Variants in DENND2C observed in about 807,000 individuals in gnomAD.
DENND2C encodes the protein DENN domain-containing protein 2C.
In DENND2C, 72 loss-of-function variants were observed where a neutral mutation model predicts 112.4. That is an observed-to-expected ratio of 0.64 (90% CI 0.53 to 0.78). DENND2C has a LOEUF of 0.78. Ranked by LOEUF, DENND2C falls within the 30% of genes least tolerant of loss-of-function variation. The pLI is 0.00. For missense variants in DENND2C, 992 were observed against 1,113.8 expected, an observed-to-expected ratio of 0.89 and a Z score of 1.56; for synonymous variants, 329 against 381.6, an observed-to-expected ratio of 0.86 and a Z score of 1.61.
chr1:114,633,109 T>C (rs930110168), intron 3 of DENND2C, among the ~76,000 whole-genome samples: 2 of 152,112 alleles, frequency 1.3e-5, no homozygotes, highest in African/African-American at 4.8e-5. Flanking sequence ...TGGAAAATTG[T>C]GTATGGTGTT....
chr1:114,592,221 C>G (rs1655214007), intron 18 of DENND2C, among the ~76,000 whole-genome samples: 1 of 152,048 alleles, frequency 6.6e-6, no homozygotes, highest in Non-Finnish European at 1.5e-5. Flanking sequence ...CCTTTTTCCA[C>G]TGATACACAA....
intron 18 of DENND2C, among the ~76,000 whole-genome samples, chr1:114,588,746 T>C (rs1325969906): frequency 1.3e-5 from 2 of 152,212 alleles, no homozygotes; most frequent in African/African-American, 4.8e-5. Context: ...ATTCCCATTT[T>C]TTTAAATAAA....
intron 3 of DENND2C, among the ~76,000 whole-genome samples, chr1:114,641,020 G>A (rs1165101731): frequency 2.6e-5 from 4 of 152,088 alleles, no homozygotes; most frequent in Non-Finnish European, 5.9e-5. Context: ...GAGAGAATAT[G>A]TTCCTGTTAT....
Position 114,594,512 on chromosome 1 carries a change from G to A in DENND2C, c.2392C>T (p.Arg798Ter), listed in dbSNP as rs866481620. ...TGCTCCTGAGTCAAGATTTCATTTC[G>A]TTCTTCCAAAATCTGCATCAGGGCA... Reference protein sequence around the residue: ...QAALMQILEERNEILTQEQNF... With the variant: ...QAALMQILEE The change falls in exon 18 of 21, where the codon CGA becomes TGA. Residue 798 changes from arginine (R) to a stop codon, truncating the protein, a stop_gained. Coordinates refer to ENST00000393274, the MANE Select transcript of DENND2C (RefSeq NM_001256404.2). LOFTEE classifies it high-confidence loss of function. 55 of 1,613,612 alleles carry A rather than the reference G, an allele frequency of 3.4e-5. 3 individuals carry two copies. The Middle Eastern group carries it at 5.8e-3, about 169-fold the overall frequency.
intron 3 of DENND2C, among the ~76,000 whole-genome samples, chr1:114,638,784 A>G (rs901231524): frequency 1.3e-5 from 2 of 151,012 alleles, no homozygotes; most frequent in Non-Finnish European, 3.0e-5. Flanking sequence ...AAAAAAGAGA[A>G]AAAAGAAAAA....
At chr1:114,633,173 G>A (rs1280343126) in intron 3 of DENND2C, among the ~76,000 whole-genome samples, 6 of 151,970 alleles carry the variant, frequency 3.9e-5, no homozygotes, top group Non-Finnish European at 7.4e-5. Context: ...TTATGCCGGC[G>A]CGGTGGCTCA....
chr1:114,627,316 T>C (rs760957015), intron 3 of DENND2C, among the ~76,000 whole-genome samples: 20 of 152,196 alleles, frequency 1.3e-4, no homozygotes, highest in Non-Finnish European at 2.5e-4. Context: ...AAAATAGCAG[T>C]TGATTCAAAA....
chr1:114,617,468 G>A (rs1425099289), intron 8 of DENND2C, among the ~76,000 whole-genome samples: 9 of 151,884 alleles, frequency 5.9e-5, no homozygotes, highest in African/African-American at 1.2e-4. Flanking sequence ...ACGCCACCAC[G>A]CCCAGCTAAT....
chr1:114,661,890 A>T (rs1366743766), intron 1 of DENND2C, among the ~76,000 whole-genome samples: 1 of 152,232 alleles, frequency 6.6e-6, no homozygotes, highest in East Asian at 1.9e-4. Flanking sequence ...AAGTTCAAAA[A>T]TAAAATTTGG....
chr1:114,601,403 T>G, intron 13 of DENND2C, 105 bp downstream of exon 13: 1 of 1,132,864 alleles, frequency 8.8e-7, no homozygotes, highest in East Asian at 2.4e-5. Context: ...GGTTCCTAGT[T>G]TACTAATAGG....
At chr1:114,622,712 TA>T (rs1295724665) in intron 6 of DENND2C, among the ~76,000 whole-genome samples, 4 of 151,110 alleles carry the variant, frequency 2.6e-5, no homozygotes, top group African/African-American at 9.7e-5. Flanking sequence ...TGTAGACTAA[TA>T]GGGGGAGTGG....
Position 114,595,834 on chromosome 1 carries a change from C to G in DENND2C, c.2323G>C (p.Glu775Gln). 2 of 1,613,760 alleles carry G rather than the reference C, an allele frequency of 1.2e-6. No individual in the cohort carries two copies. Among genetic ancestry groups the G allele is most frequent in the Non-Finnish European group, 1.7e-6 (2 of 1,179,740 alleles). Residue 775 changes from glutamate to glutamine, a missense_variant and splice_region_variant, in exon 17 of 21, where the codon GAG (glutamate) becomes CAG (glutamine). By Grantham distance (29) the Glu-to-Gln change is conservative. Coordinates refer to ENST00000393274, the MANE Select transcript of DENND2C (RefSeq NM_001256404.2). ...VDLCADKFLQEVSDEDEILPP... is the reference protein window; with the variant it reads ...VDLCADKFLQQVSDEDEILPP... ...TAATTACCTCCTTTGGCACTCACCT[C>G]CTGTAAGAACTTGTCTGCACAGAGA...
rs561838524 is a variant in DENND2C, at chr1:114,637,753, G to A, written c.-205+7695C>T. On this transcript the variant is annotated intron_variant, in intron 3 of 20. Coordinates refer to ENST00000393274, the MANE Select transcript of DENND2C (RefSeq NM_001256404.2). ...TGGTCTTGAACTCCTGGCCTCAAGT[G>A]ATCCGCCTGCCTTGGCCTCCCAAAG... is the stretch of plus-strand genomic sequence containing the variant. Among the ~76,000 whole-genome samples the A allele has an allele frequency of 2.6e-4, 39 of 152,276 alleles. No homozygotes were observed. In the Middle Eastern group the frequency reaches 0.01, roughly 40 times the overall value.
Position 114,623,058 on chromosome 1 carries a change from G to C in DENND2C, c.985C>G (p.Pro329Ala). ...GAAGGGGATCTCCACATAGGTAAAGGCTGCACTGGAATATCTTCATATGGA... is the reference window on the plus strand; with the variant it reads ...GAAGGGGATCTCCACATAGGTAAAGCCTGCACTGGAATATCTTCATATGGA... ...ENPYEDIPVQ[P>A]LPMWRSPSAW... The change falls in exon 6 of 21, where the codon CCT becomes GCT. Residue 329 changes from proline (P) to alanine (A), a missense_variant. Transcript: ENST00000393274. 1.2e-6 allele frequency: 2 copies of C among 1,612,520 alleles called. No individual in the cohort carries two copies. The highest frequency in any genetic ancestry group is 1.7e-6 in the Non-Finnish European group (2 of 1,179,250).
intron 4 of DENND2C, 79 bp from the exon 5 acceptor site, chr1:114,623,722 T>G (rs989580898): frequency 2.0e-6 from 2 of 992,608 alleles, no homozygotes; most frequent in Non-Finnish European, 2.6e-6. Flanking sequence ...ATTTATTTAT[T>G]TGTTTGATTG....
intron 2 of DENND2C, among the ~76,000 whole-genome samples, chr1:114,650,529 C>A (rs992057433): frequency 2.0e-5 from 3 of 151,390 alleles, no homozygotes; most frequent in African/African-American, 7.3e-5. Flanking sequence ...AAAAATTTAG[C>A]CAGGCATAGT....
At chr1:114,658,005 G>C (rs1399499054) in intron 1 of DENND2C, among the ~76,000 whole-genome samples, 2 of 152,208 alleles carry the variant, frequency 1.3e-5, no homozygotes, top group Non-Finnish European at 2.9e-5. Context: ...GAAGGTAAAT[G>C]ATAAAAGAAA....
chr1:114,629,939 G>A (rs1656442127), intron 3 of DENND2C, among the ~76,000 whole-genome samples: 1 of 152,096 alleles, frequency 6.6e-6, no homozygotes, highest in Non-Finnish European at 1.5e-5. Flanking sequence ...AAAATAACTT[G>A]GAAGAATTTG....
chr1:114,663,624 A>C (rs1657560554), intron 1 of DENND2C, among the ~76,000 whole-genome samples: 1 of 152,226 alleles, frequency 6.6e-6, no homozygotes, highest in African/African-American at 2.4e-5. Context: ...CTGTGGGCCA[A>C]ATTTGGCCCA....
Sources: gnomAD v4.1 joint callset for allele counts (sites outside exome capture counted in the v4.1 genomes callset) on GRCh38, gnomAD v4.1.1 for gene constraint, MANE v1.5 for transcripts, NCBI Gene and HGNC (gene_info 2026-07-23, HGNC 2026-07-21) for gene names.